The following NRXN3 variants were observed in gnomAD, a reference collection of about 807,000 sequenced individuals.
NRXN3 encodes neurexin III.
In NRXN3, 32 loss-of-function variants were observed where a neutral mutation model predicts 137.6. That is an observed-to-expected ratio of 0.23 (90% CI 0.18 to 0.31). The LOEUF (loss-of-function observed/expected upper bound fraction) is 0.31, where lower values mean the gene tolerates loss of function less well. Ranked by LOEUF, NRXN3 falls within the 10% of genes least tolerant of loss-of-function variation. The pLI, the probability that NRXN3 is intolerant of heterozygous loss-of-function variation, is 1.00. For missense variants in NRXN3, 1,574 were observed against 2,062.5 expected (o/e 0.76, Z 4.59); for synonymous variants, 798 against 784.5 (o/e 1.02, Z -0.29).
At chr14:79,822,928 T>C (rs1307403607) in intron 20 of NRXN3, among the ~76,000 whole-genome samples, 2 of 152,186 alleles carry the variant, frequency 1.3e-5, no homozygotes, top group Non-Finnish European at 2.9e-5. Context: ...TTCTAAGGAC[T>C]GTGTGGAAAG....
At chr14:78,885,516 A>T (rs1596966790) in intron 10 of NRXN3, among the ~76,000 whole-genome samples, 1 of 152,264 alleles carries the variant, frequency 6.6e-6, no homozygotes, top group East Asian at 1.9e-4. Context: ...ATTATTTTTA[A>T]GTGAATAACA....
intron 6 of NRXN3, among the ~76,000 whole-genome samples, chr14:78,656,812 G>C (rs1239602929): frequency 6.6e-6 from 1 of 152,132 alleles, no homozygotes; most frequent in Non-Finnish European, 1.5e-5. Context: ...GGGAGGCCAA[G>C]GTGGGCGGAT....
At chr14:78,747,180 C>A (rs182097665) in intron 8 of NRXN3, among the ~76,000 whole-genome samples, 98 of 152,262 alleles carry the variant, frequency 6.4e-4, no homozygotes, top group Admixed American at 1.8e-3. Context: ...ACCTCTCTGG[C>A]CAGTGTTGTT....
chr14:78,940,040 C>T (rs1304294138), intron 10 of NRXN3, among the ~76,000 whole-genome samples: 4 of 152,134 alleles, frequency 2.6e-5, no homozygotes, highest in Admixed American at 2.6e-4. Context: ...GGAGATAAAA[C>T]ACAAAGTTTT....
At chr14:78,181,485 G>T (rs868768739) in intron 1 of NRXN3, among the ~76,000 whole-genome samples, 2 of 152,176 alleles carry the variant, frequency 1.3e-5, no homozygotes, top group Non-Finnish European at 2.9e-5. Flanking sequence ...CTTTGCTCAG[G>T]CCTGGCTATC....
chr14:79,599,782 G>A (rs933807125), intron 16 of NRXN3, among the ~76,000 whole-genome samples: 6 of 152,140 alleles, frequency 3.9e-5, no homozygotes, highest in African/African-American at 1.4e-4. Context: ...ATCACCTGAG[G>A]TCAGGAGTTC....
At chr14:78,986,674 A>G (rs1486599231) in intron 14 of NRXN3, among the ~76,000 whole-genome samples, 2 of 152,200 alleles carry the variant, frequency 1.3e-5, no homozygotes, top group Non-Finnish European at 2.9e-5. Flanking sequence ...TTTTCTTTCT[A>G]TAGCACAAAT....
At chr14:79,593,370 C>T (rs1212710205) in intron 16 of NRXN3, among the ~76,000 whole-genome samples, 2 of 152,118 alleles carry the variant, frequency 1.3e-5, no homozygotes, top group Non-Finnish European at 2.9e-5. Flanking sequence ...GTGGCTCACA[C>T]CTGTAATCCC....
At chr14:78,969,112 G>A (rs544403689) in intron 14 of NRXN3, among the ~76,000 whole-genome samples, 13 of 152,260 alleles carry the variant, frequency 8.5e-5, no homozygotes, top group African/African-American at 2.4e-4. Context: ...GTAGGTACTC[G>A]ATAAATGGTA....
intron 15 of NRXN3, among the ~76,000 whole-genome samples, chr14:79,449,489 G>C (rs1205899686): frequency 6.6e-6 from 1 of 152,108 alleles, no homozygotes; most frequent in Non-Finnish European, 1.5e-5. Flanking sequence ...AGAAATTGCT[G>C]TTTAGATTCT....
chr14:78,827,493 T>C (rs905708162), intron 10 of NRXN3, among the ~76,000 whole-genome samples: 2 of 152,216 alleles, frequency 1.3e-5, no homozygotes, highest in Non-Finnish European at 2.9e-5. Flanking sequence ...AAAACTGTCC[T>C]TTGAAACAAA....
At chr14:79,582,719 A>G (rs978428388) in intron 16 of NRXN3, among the ~76,000 whole-genome samples, 1 of 152,036 alleles carries the variant, frequency 6.6e-6, no homozygotes, top group Non-Finnish European at 1.5e-5. Flanking sequence ...ACTGGATTTG[A>G]TCTTTACAAA....
intron 19 of NRXN3, among the ~76,000 whole-genome samples, chr14:79,764,929 G>T (rs1200980181): frequency 6.6e-6 from 1 of 152,142 alleles, no homozygotes; most frequent in African/African-American, 2.4e-5. Flanking sequence ...TGAACCATTA[G>T]ACTATTTTTT....
chr14:78,588,407 G>A (rs1349576301), intron 4 of NRXN3, among the ~76,000 whole-genome samples: 1 of 152,186 alleles, frequency 6.6e-6, no homozygotes, highest in Non-Finnish European at 1.5e-5. Flanking sequence ...GGAATAAAAG[G>A]TAATAACTAA....
chr14:79,086,372 A>C (rs2048103445), intron 15 of NRXN3, among the ~76,000 whole-genome samples: 1 of 152,088 alleles, frequency 6.6e-6, no homozygotes, highest in African/African-American at 2.4e-5. Context: ...CCCTCGCTTT[A>C]ACTTGGGATC....
intron 2 of NRXN3, among the ~76,000 whole-genome samples, chr14:78,265,611 T>C (rs1241337876): frequency 6.6e-6 from 1 of 152,186 alleles, no homozygotes; most frequent in Non-Finnish European, 1.5e-5. Context: ...AATCCAGTGC[T>C]TGCTCTCACC....
At chr14:78,977,686 G>A (rs985498991) in intron 14 of NRXN3, among the ~76,000 whole-genome samples, 14 of 152,248 alleles carry the variant, frequency 9.2e-5, no homozygotes, top group Non-Finnish European at 1.0e-4. Flanking sequence ...CTACTGTCAT[G>A]GAAGGTGCTG....
chr14:78,475,547 T>C (rs2095363703), intron 4 of NRXN3, among the ~76,000 whole-genome samples: 1 of 152,200 alleles, frequency 6.6e-6, no homozygotes, highest in African/African-American at 2.4e-5. Context: ...AGTAAAACAG[T>C]CTTGGCATTA....
chr14:79,276,252 G>A (rs1444314196), intron 15 of NRXN3, among the ~76,000 whole-genome samples: 1 of 152,138 alleles, frequency 6.6e-6, no homozygotes, highest in Non-Finnish European at 1.5e-5. Context: ...CAGAAAAGAA[G>A]TCGAAATAGG....
Sources: gnomAD v4.1 joint callset for allele counts (sites outside exome capture counted in the v4.1 genomes callset) on GRCh38, gnomAD v4.1.1 for gene constraint, MANE v1.5 for transcripts, NCBI Gene and HGNC (gene_info 2026-07-23, HGNC 2026-07-21) for gene names.